SMAD3: variants seen among roughly 807,000 people sequenced by gnomAD.
SMAD3 encodes SMAD family member 3, also known as MAD homolog 3.
SMAD3 carries 12 observed loss-of-function variants against 51.8 expected under a neutral mutation model. That is an observed-to-expected ratio of 0.23 (90% CI 0.15 to 0.38). The LOEUF is 0.38. Among genes scored for constraint, SMAD3 ranks in the 10% least tolerant of loss-of-function variants. The pLI is 1.00. For synonymous variants in SMAD3, 238 were observed against 227.7 expected, an observed-to-expected ratio of 1.05 and a Z score of -0.41; for missense variants, 294 against 565.6, an observed-to-expected ratio of 0.52 and a Z score of 4.87.
chr15:67,065,663 C>CAGCGAGCG lies in SMAD3; in HGVS notation c.-483_-476dup, dbSNP rs955256777. Among the ~76,000 whole-genome samples, 15 of 151,506 alleles carry CAGCGAGCG rather than the reference C, an allele frequency of 9.9e-5. No individual in the cohort carries two copies. The highest frequency in any genetic ancestry group is 3.3e-4 in the Admixed American group (5 of 15,270). Reference sequence around the variant, plus strand: ...GGCGCACGCCCCGGGCCGGCCCAGCCAGCGAGCGAGCGAGCGGCGAGCCGG... The same window carrying CAGCGAGCG: ...GGCGCACGCCCCGGGCCGGCCCAGCCAGCGAGCGAGCGAGCGAGCGAGCGGCGAGCCGG... On this transcript the variant is annotated 5_prime_UTR_variant, in exon 1 of 9. Transcript: ENST00000327367.
chr15:67,067,227 A>T (rs1419068805), intron 1 of SMAD3, among the ~76,000 whole-genome samples: 4 of 152,016 alleles, frequency 2.6e-5, no homozygotes. Context: ...TCCTTCCCAA[A>T]GCGCGCTGCC....
intron 1 of SMAD3, among the ~76,000 whole-genome samples, chr15:67,107,048 C>T (rs1211935200): frequency 6.6e-6 from 1 of 152,024 alleles, no homozygotes; most frequent in Non-Finnish European, 1.5e-5. Flanking sequence ...TGTCGGCTTC[C>T]CTAGCCCTGA....
chr15:67,135,656 T>C (rs190676214), intron 1 of SMAD3, among the ~76,000 whole-genome samples: 31 of 152,322 alleles, frequency 2.0e-4, no homozygotes, highest in Admixed American at 4.6e-4. Context: ...AGTGTTTACA[T>C]ACCAGAGCAG....
At chr15:67,159,023 T>C (rs886646816) in intron 1 of SMAD3, among the ~76,000 whole-genome samples, 4 of 152,156 alleles carry the variant, frequency 2.6e-5, no homozygotes, top group African/African-American at 9.7e-5. Flanking sequence ...TACTGAGTGT[T>C]CTTACTAATA....
chr15:67,187,562 A>G (rs1401500767), intron 8 of SMAD3, 53 bp downstream of exon 8: 1 of 1,605,868 alleles, frequency 6.2e-7, no homozygotes, highest in African/African-American at 1.3e-5. Flanking sequence ...GTGACTCTGG[A>G]CAGCAGAGCA....
chr15:67,123,949 G>A (rs1246467065), intron 1 of SMAD3, among the ~76,000 whole-genome samples: 1 of 152,136 alleles, frequency 6.6e-6, no homozygotes, highest in East Asian at 1.9e-4. Flanking sequence ...TGGAAAATAG[G>A]TTGTTGTCGA....
chr15:67,142,199 A>ACCCCCCC (rs549870512), intron 1 of SMAD3, among the ~76,000 whole-genome samples: 72 of 127,922 alleles, frequency 5.6e-4, no homozygotes, highest in Middle Eastern at 4.1e-3. Flanking sequence ...TCCTCCCCAC[A>ACCCCCCC]CCCCCCCCAC....
At chr15:67,165,443 A>T in intron 3 of SMAD3, 59 bp downstream of exon 3, 1 of 1,597,550 alleles carries the variant, frequency 6.3e-7, no homozygotes, top group Non-Finnish European at 8.5e-7. Flanking sequence ...CAGCCCCGAC[A>T]TCAGTCCTGT....
At chr15:67,147,365 T>C (rs1186302337) in intron 1 of SMAD3, among the ~76,000 whole-genome samples, 1 of 152,200 alleles carries the variant, frequency 6.6e-6, no homozygotes, top group African/African-American at 2.4e-5. Flanking sequence ...CTGCCCTTTA[T>C]TGTGGTGTTA....
intron 1 of SMAD3, among the ~76,000 whole-genome samples, chr15:67,092,275 T>A (rs765774291): frequency 2.0e-5 from 3 of 152,230 alleles, no homozygotes; most frequent in Non-Finnish European, 4.4e-5. Flanking sequence ...GGTGCAAGCC[T>A]GATGCTCTAA....
At chr15:67,126,773 C>G (rs1480657039) in intron 1 of SMAD3, among the ~76,000 whole-genome samples, 1 of 152,182 alleles carries the variant, frequency 6.6e-6, no homozygotes, top group African/African-American at 2.4e-5. Flanking sequence ...GCTGGGAGAG[C>G]TCCGACAGTA....
chr15:67,096,174 T>G (rs1221614627), intron 1 of SMAD3, among the ~76,000 whole-genome samples: 2 of 152,198 alleles, frequency 1.3e-5, no homozygotes, highest in African/African-American at 4.8e-5. Context: ...GTCACTTCCC[T>G]GACACCAACC....
chr15:67,102,267 T>TGTGTGC (rs781214785), intron 1 of SMAD3, among the ~76,000 whole-genome samples: 38 of 132,066 alleles, frequency 2.9e-4, no homozygotes, highest in African/African-American at 7.5e-4. Flanking sequence ...TGTGTGTGTG[T>TGTGTGC]GCGGTGTGTG....
At position 67,066,226 on chromosome 15, in the gene SMAD3, C is replaced by T. The variant is rs780995229; in HGVS notation, c.72C>T (p.Asn24=). The T allele has an allele frequency of 3.1e-6, 5 of 1,613,396 alleles. No homozygotes were observed. Among genetic ancestry groups the T allele is most frequent in the Non-Finnish European group, 4.2e-6 (5 of 1,179,736 alleles). The change falls in exon 1 of 9, where the codon AAC becomes AAT. Residue 24 remains asparagine, a synonymous_variant. Coordinates refer to ENST00000327367, the MANE Select transcript of SMAD3 (RefSeq NM_005902.4). The part of the protein sequence containing the change: ...RLLGWKKGEQ[N]GQEEKWCEKA... ...TGGGCTGGAAGAAGGGCGAGCAGAA[C>T]GGGCAGGAGGAGAAATGGTGCGAGA...
chr15:67,187,692 G>C (rs1963258073), intron 8 of SMAD3, among the ~76,000 whole-genome samples, 183 bp downstream of exon 8: 1 of 152,210 alleles, frequency 6.6e-6, no homozygotes, highest in Non-Finnish European at 1.5e-5. Flanking sequence ...AGATGATGAG[G>C]AATTGCAGAA....
chr15:67,098,736 T>C, intron 1 of SMAD3: 1 of 617,114 alleles, frequency 1.6e-6, no homozygotes, highest in Non-Finnish European at 2.9e-6. Flanking sequence ...GGAGGCTTGC[T>C]TTGGTTGTGG....
chr15:67,138,283 A>C (rs1961720179), intron 1 of SMAD3: 1 of 564,344 alleles, frequency 1.8e-6, no homozygotes, highest in Non-Finnish European at 3.2e-6. Flanking sequence ...GGTGAAGCAG[A>C]GGCGTCGCTC....
intron 1 of SMAD3, among the ~76,000 whole-genome samples, chr15:67,112,139 CTT>C: frequency 1.3e-5 from 1 of 79,736 alleles, no homozygotes; most frequent in Non-Finnish European, 2.5e-5. Context: ...TTAGCCATTT[CTT>C]TTTTTTTCTT....
chr15:67,130,370 C>CA (rs1961495555), intron 1 of SMAD3, among the ~76,000 whole-genome samples: 1 of 152,170 alleles, frequency 6.6e-6, no homozygotes, highest in Non-Finnish European at 1.5e-5. Context: ...TACCCGTGTG[C>CA]GGCCTGTTAG....
Sources: gnomAD v4.1 joint callset for allele counts (sites outside exome capture counted in the v4.1 genomes callset) on GRCh38, gnomAD v4.1.1 for gene constraint, MANE v1.5 for transcripts, NCBI Gene and HGNC (gene_info 2026-07-23, HGNC 2026-07-21) for gene names.